RHPN2: variants seen among roughly 807,000 people sequenced by gnomAD.
The protein encoded by RHPN2 is rhophilin-2.
Under a neutral mutation model 79.0 loss-of-function variants are expected in RHPN2, and 40 were observed. That is an observed-to-expected ratio of 0.51 (90% CI 0.39 to 0.66). RHPN2 has a LOEUF of 0.66. Ranked by LOEUF, RHPN2 falls within the 30% of genes least tolerant of loss-of-function variation. The pLI, the probability that RHPN2 is intolerant of heterozygous loss-of-function variation, is 0.00. For missense variants in RHPN2, 686 were observed against 883.5 expected, an observed-to-expected ratio of 0.78 and a Z score of 2.83; for synonymous variants, 285 against 363.5, an observed-to-expected ratio of 0.78 and a Z score of 2.46.
chr19:33,035,330 G>A (rs986161020), intron 2 of RHPN2, among the ~76,000 whole-genome samples: 5 of 152,076 alleles, frequency 3.3e-5, no homozygotes, highest in Non-Finnish European at 7.4e-5. Context: ...TTAAACTCCT[G>A]GCCTCAAGTG....
At chr19:32,994,975 A>G (rs1223134013) in intron 11 of RHPN2, among the ~76,000 whole-genome samples, 1 of 152,122 alleles carries the variant, frequency 6.6e-6, no homozygotes, top group East Asian at 1.9e-4. Flanking sequence ...AAACAAACAA[A>G]AAAACCTATT....
chr19:33,035,327 C>T (rs1972047662), intron 2 of RHPN2, among the ~76,000 whole-genome samples: 2 of 152,156 alleles, frequency 1.3e-5, no homozygotes, highest in South Asian at 4.1e-4. Flanking sequence ...GTTTTAAACT[C>T]CTGGCCTCAA....
intron 2 of RHPN2, among the ~76,000 whole-genome samples, chr19:33,036,644 G>C (rs1972058154): frequency 6.6e-6 from 1 of 152,172 alleles, no homozygotes; most frequent in Admixed American, 6.5e-5. Context: ...TGGAGGGAGA[G>C]GCGCGGGCGG....
rs1412731933 is a variant in RHPN2, at chr19:33,064,772, G to A, written c.69+12C>T. 1 of 515,502 alleles carries A rather than the reference G, an allele frequency of 1.9e-6. No homozygotes were observed. The highest frequency in any genetic ancestry group is 2.8e-6 in the Non-Finnish European group (1 of 357,818). The allele number at this position is 515,502 out of a possible 1,614,324, so 31.9% of individuals were successfully genotyped here. A position where few individuals can be genotyped will look rare whatever the true frequency, so the allele number is the denominator to read the frequency against. On this transcript the variant is annotated intron_variant, in intron 1 of 14. Transcript: ENST00000254260. ...CCCGCAGGTCCCCGCCCGCCCGCCC[G>A]AAGCCGCCCACCTTCCGAAAGTAGC...
intron 11 of RHPN2, 69 bp downstream of exon 11, chr19:32,995,957 C>T (rs887508503): frequency 6.6e-7 from 1 of 1,508,460 alleles, no homozygotes; most frequent in African/African-American, 1.4e-5. Context: ...GCTCAACCCC[C>T]ACAGGCCAGG....
At chr19:33,014,992 A>G (rs1378151586) in intron 4 of RHPN2, among the ~76,000 whole-genome samples, 4 of 152,090 alleles carry the variant, frequency 2.6e-5, no homozygotes, top group African/African-American at 9.7e-5. Flanking sequence ...CAGGAGGTTG[A>G]GGCTGCAGTG....
chr19:32,990,311 T>C (rs1256986585), intron 14 of RHPN2: 5 of 640,754 alleles, frequency 7.8e-6, no homozygotes, highest in Admixed American at 5.0e-5. Flanking sequence ...GGCAAGACGC[T>C]GTCTTTAAAA....
intron 1 of RHPN2, among the ~76,000 whole-genome samples, chr19:33,053,681 A>G (rs1346728060): frequency 2.0e-5 from 3 of 151,856 alleles, no homozygotes; most frequent in African/African-American, 7.3e-5. Context: ...CTTGGCCTCC[A>G]AAGTGCTGGG....
chr19:33,043,062 G>C (rs1452796208), intron 2 of RHPN2, among the ~76,000 whole-genome samples: 1 of 146,300 alleles, frequency 6.8e-6, no homozygotes, highest in Non-Finnish European at 1.5e-5. Context: ...CTGGGTGACA[G>C]AGCAAGACTC....
chr19:32,996,003 G>T, intron 11 of RHPN2, 23 bp downstream of exon 11: 1 of 1,613,564 alleles, frequency 6.2e-7, no homozygotes, highest in Non-Finnish European at 8.5e-7. Context: ...CCCCACAGAG[G>T]GAACACAGTC....
Position 33,061,225 on chromosome 19 carries a change from C to CT in RHPN2, c.69+3558dup, listed in dbSNP as rs35377340. ...TTTCACCTGGACAGCACCTGCCTTT[C>CT]TTTTTTTTTTTTTTTTTTTTTGAGA... On this transcript the variant is annotated intron_variant, in intron 1 of 14. Coordinates refer to ENST00000254260, the MANE Select transcript of RHPN2 (RefSeq NM_033103.5). Among the ~76,000 whole-genome samples the CT allele has an allele frequency of 7.1e-3, 857 of 120,572 alleles. 3 individuals are homozygous for CT. Among genetic ancestry groups the CT allele is most frequent in the African/African-American group, 8.3e-3 (232 of 27,924 alleles). The allele number at this position is 120,572 out of a possible 152,430, so 79.1% of individuals were successfully genotyped here. A position where few individuals can be genotyped will look rare whatever the true frequency, so the allele number is the denominator to read the frequency against.
At chr19:32,988,060 A>G (rs1296681986) in intron 14 of RHPN2, among the ~76,000 whole-genome samples, 1 of 152,082 alleles carries the variant, frequency 6.6e-6, no homozygotes, top group Non-Finnish European at 1.5e-5. Context: ...TTAGCCAGGC[A>G]TAGTGGTACA....
intron 1 of RHPN2, among the ~76,000 whole-genome samples, chr19:33,045,789 T>C (rs569204247): frequency 1.3e-5 from 2 of 152,300 alleles, no homozygotes; most frequent in South Asian, 2.1e-4. Flanking sequence ...TATCTGATTT[T>C]AGAACATTTT....
chr19:33,017,676 G>T (rs1436635011), intron 4 of RHPN2, among the ~76,000 whole-genome samples: 1 of 148,202 alleles, frequency 6.7e-6, no homozygotes, highest in East Asian at 2.0e-4. Flanking sequence ...ACCAGCCTGG[G>T]CATCATAGTG....
At chr19:33,041,813 C>A (rs1039043909) in intron 2 of RHPN2, among the ~76,000 whole-genome samples, 6 of 152,274 alleles carry the variant, frequency 3.9e-5, no homozygotes, top group African/African-American at 1.4e-4. Flanking sequence ...AGTCTCCTCC[C>A]ATCCTCCAAC....
At chr19:33,046,323 T>C (rs1335599075) in intron 1 of RHPN2, among the ~76,000 whole-genome samples, 2 of 152,170 alleles carry the variant, frequency 1.3e-5, no homozygotes, top group Non-Finnish European at 2.9e-5. Context: ...TTGAGTGCAG[T>C]GGCTCGATCT....
chr19:33,026,682 T>A (rs773924150), intron 2 of RHPN2, 50 bp from the exon 3 acceptor site: 1 of 1,587,420 alleles, frequency 6.3e-7, no homozygotes, highest in Non-Finnish European at 8.5e-7. Context: ...GTATCCTGGC[T>A]TCTAGGTGAG....
chr19:33,000,221 ATT>A lies in RHPN2; in HGVS notation c.1106-518_1106-517del, dbSNP rs11335915. Among the ~76,000 whole-genome samples, 342 of 130,394 alleles carry A rather than the reference ATT, an allele frequency of 2.6e-3. 1 individual carries two copies. The highest frequency in any genetic ancestry group is 3.3e-3 in the African/African-American group (114 of 34,094). 85.5% of individuals were successfully genotyped at this position (130,394 alleles called of 152,430 possible). A position where few individuals can be genotyped will look rare whatever the true frequency, so the allele number is the denominator to read the frequency against. On this transcript the variant is annotated intron_variant, in intron 9 of 14. Coordinates refer to ENST00000254260, the MANE Select transcript of RHPN2 (RefSeq NM_033103.5). ...ACCAGTCACACTCCAGAGGTTCATA[ATT>A]TTTTTTTTTTTTTTTGAGATGGAGT...
chr19:33,048,738 A>AAAAAAAAAAAC (rs1197733532), intron 1 of RHPN2, among the ~76,000 whole-genome samples: 4 of 151,280 alleles, frequency 2.6e-5, no homozygotes, highest in African/African-American at 9.7e-5. Flanking sequence ...AAAAAAAAAA[A>AAAAAAAAAAAC]AAAAAAACTT....
Sources: allele counts gnomAD v4.1 joint callset (sites outside exome capture counted in the v4.1 genomes callset), GRCh38; gene constraint gnomAD v4.1.1; transcripts MANE v1.5; gene names NCBI Gene and HGNC (gene_info 2026-07-23, HGNC 2026-07-21).